Variants in KCNQ1 observed in about 807,000 individuals in gnomAD.
The protein encoded by KCNQ1 is potassium voltage-gated channel subfamily Q member 1.
A neutral mutation model predicts 72.4 loss-of-function variants in KCNQ1; 49 were observed. The observed-to-expected ratio is 0.68, with a 90% CI of 0.54 to 0.86. KCNQ1 has a LOEUF of 0.86. Among genes scored for constraint, KCNQ1 ranks in the 40% least tolerant of loss-of-function variants. The probability of loss-of-function intolerance (pLI) is 0.00; values close to 1 mark genes in which losing one functional copy is unlikely to be tolerated. For synonymous variants in KCNQ1, 450 were observed against 412.6 expected, an observed-to-expected ratio of 1.09 and a Z score of -1.10; for missense variants, 790 against 945.1, an observed-to-expected ratio of 0.84 and a Z score of 2.15.
chr11:2,470,467 G>C (rs900767609), intron 1 of KCNQ1, among the ~76,000 whole-genome samples: 3 of 152,100 alleles, frequency 2.0e-5, no homozygotes, highest in African/African-American at 7.2e-5. Flanking sequence ...CCAGGGAGGC[G>C]GAAGAACATC....
chr11:2,680,245 A>G (rs1053103640), intron 11 of KCNQ1: 1 of 397,216 alleles, frequency 2.5e-6, no homozygotes, highest in East Asian at 3.6e-5. Context: ...ATCTGTGTGT[A>G]TATTCATATC....
At chr11:2,820,287 T>C (rs999507189) in intron 15 of KCNQ1, among the ~76,000 whole-genome samples, 1 of 152,230 alleles carries the variant, frequency 6.6e-6, no homozygotes, top group Non-Finnish European at 1.5e-5. Flanking sequence ...ATCCTAAGAT[T>C]TTCTCTCTGC....
At position 2,560,085 on chromosome 11, in the gene KCNQ1, T is replaced by TG. The variant is rs199863716; in HGVS notation, c.478-10537dup. ...GGGACAGATAGCAGCATCTCAGCCA[T>TG]GGGGGGCCGTGACATCCGGTCAGGA... On this transcript the variant is annotated intron_variant, in intron 2 of 15. Transcript: ENST00000155840. Among the ~76,000 whole-genome samples, 239 of 86,036 alleles carry TG rather than the reference T, an allele frequency of 2.8e-3. 3 individuals carry two copies. The highest frequency in any genetic ancestry group is 0.011 in the African/African-American group (229 of 21,262). 56.4% of individuals were successfully genotyped at this position (86,036 alleles called of 152,430 possible). A position where few individuals can be genotyped will look rare whatever the true frequency, so the allele number is the denominator to read the frequency against.
At chr11:2,630,007 G>C (rs1849327186) in intron 10 of KCNQ1, 1 of 397,004 alleles carries the variant, frequency 2.5e-6, no homozygotes, top group South Asian at 1.3e-4. Context: ...CATCTTAGAG[G>C]AGAGGCATTC....
At chr11:2,633,718 G>A in intron 10 of KCNQ1, 1 of 398,322 alleles carries the variant, frequency 2.5e-6, no homozygotes. Flanking sequence ...TGTTCCATTG[G>A]TCTATATGTC....
rs868336244 is a variant in KCNQ1, at chr11:2,704,446, A to T, written c.1514+42365A>T. 3.7e-4 allele frequency among the ~76,000 whole-genome samples: 56 copies of T among 152,138 alleles called. 1 individual carries two copies. The highest frequency in any genetic ancestry group is 3.3e-4 in the Admixed American group (5 of 15,272). Reference sequence around the variant, plus strand: ...ACAGGTGGCATGGACTCATGTCCCCACCCAAATCACATCCCCACCAGGATG... The same window carrying T: ...ACAGGTGGCATGGACTCATGTCCCCTCCCAAATCACATCCCCACCAGGATG... On this transcript the variant is annotated intron_variant, in intron 11 of 15. Transcript: ENST00000155840. This position sits in a 1 kb window ranked among gnomAD's most constrained non-coding sequence, Gnocchi z 4.3.
chr11:2,523,884 G>A (rs1185293989), intron 1 of KCNQ1, among the ~76,000 whole-genome samples: 7 of 152,060 alleles, frequency 4.6e-5, no homozygotes, highest in African/African-American at 1.7e-4. Flanking sequence ...GAGAGTGGGG[G>A]GAGTGCAGCG....
intron 15 of KCNQ1, among the ~76,000 whole-genome samples, chr11:2,821,086 G>A (rs1847727467): frequency 6.6e-6 from 1 of 152,258 alleles, no homozygotes; most frequent in Non-Finnish European, 1.5e-5. Flanking sequence ...GCCAGGTCCG[G>A]CCTGCTCTGC....
intron 12 of KCNQ1, among the ~76,000 whole-genome samples, chr11:2,770,610 T>C (rs1219032441): frequency 6.6e-6 from 1 of 152,204 alleles, no homozygotes; most frequent in Non-Finnish European, 1.5e-5. Context: ...CTGAACCAAG[T>C]TGTGTCAAAG....
At chr11:2,794,864 T>G (rs1043126439) in intron 15 of KCNQ1, among the ~76,000 whole-genome samples, 15 of 151,712 alleles carry the variant, frequency 9.9e-5, no homozygotes, top group Admixed American at 2.6e-4. Flanking sequence ...AGACGGGAGG[T>G]CCACAGATTA....
chr11:2,832,673 C>G (rs1370269663), intron 15 of KCNQ1, among the ~76,000 whole-genome samples: 1 of 152,216 alleles, frequency 6.6e-6, no homozygotes, highest in East Asian at 1.9e-4. Context: ...AGCATGTTCC[C>G]TCTGTAGCTC....
Position 2,781,639 on chromosome 11 carries a change from C to T in KCNQ1, c.1794+3602C>T, listed in dbSNP as rs934763113. 6.6e-6 allele frequency among the ~76,000 whole-genome samples: 1 copy of T among 152,236 alleles called. No homozygotes were observed. Among genetic ancestry groups the T allele is most frequent in the African/African-American group, 2.4e-5 (1 of 41,462 alleles). On this transcript the variant is annotated intron_variant, in intron 15 of 15. Coordinates refer to ENST00000155840, the MANE Select transcript of KCNQ1 (RefSeq NM_000218.3). This position sits in a 1 kb window ranked among gnomAD's most constrained non-coding sequence, Gnocchi z 6.6. ...CAGAGGCCGCTCCAGCCCTCCTCCC[C>T]CAGCAAGTATTCTTAGCTTGGTCTC...
chr11:2,604,150 G>A (rs1198761937), intron 10 of KCNQ1, among the ~76,000 whole-genome samples: 1 of 152,070 alleles, frequency 6.6e-6, no homozygotes, highest in Non-Finnish European at 1.5e-5. Flanking sequence ...TTTTTGTGTG[G>A]ACATGTGTTT....
chr11:2,739,210 TC>T (rs1182047899), intron 11 of KCNQ1, among the ~76,000 whole-genome samples: 1 of 152,096 alleles, frequency 6.6e-6, no homozygotes, highest in Non-Finnish European at 1.5e-5. Context: ...CCCCCACCCA[TC>T]CTGGCTGGCT....
intron 2 of KCNQ1, among the ~76,000 whole-genome samples, chr11:2,568,296 AATAAAT>A (rs1484869949): frequency 2.0e-5 from 3 of 151,824 alleles, no homozygotes; most frequent in Admixed American, 6.6e-5. Flanking sequence ...TAAATAAATA[AATAAAT>A]AAAGTGCATC....
At chr11:2,618,661 G>A (rs889252396) in intron 10 of KCNQ1, 8 of 398,484 alleles carry the variant, frequency 2.0e-5, no homozygotes, top group Middle Eastern at 6.3e-4. Context: ...AGAATTTTCA[G>A]AATTTCGTTG....
At chr11:2,779,608 T>C (rs561923504) in intron 15 of KCNQ1, among the ~76,000 whole-genome samples, 88 of 152,300 alleles carry the variant, frequency 5.8e-4, no homozygotes, top group Admixed American at 5.2e-4. Flanking sequence ...CCTACACTAC[T>C]GTCCCAGACC....
At position 2,567,036 on chromosome 11, in the gene KCNQ1, C is replaced by T. The variant is rs981579784; in HGVS notation, c.478-3592C>T. Among the ~76,000 whole-genome samples the T allele has an allele frequency of 6.6e-6, 1 of 151,384 alleles. No individual in the cohort carries two copies. On this transcript the variant is annotated intron_variant, in intron 2 of 15. Transcript: ENST00000155840. The surrounding 1 kb of genome is among the most constrained non-coding windows in gnomAD (Gnocchi z 6.6). ...CAGGGTCCTGAGGAGGCAGGGGTGC[C>T]CCAGGGAATGGGGGGCACCTGGGGC...
chr11:2,796,849 A>G (rs1054195853), intron 15 of KCNQ1, among the ~76,000 whole-genome samples: 1 of 152,180 alleles, frequency 6.6e-6, no homozygotes, highest in African/African-American at 2.4e-5. Context: ...TGTGGCGGTG[A>G]GAAAACGATG....
Sources: gnomAD v4.1 joint callset for allele counts (sites outside exome capture counted in the v4.1 genomes callset) on GRCh38, gnomAD v4.1.1 for gene constraint, Gnocchi (gnomAD v3.1) non-coding constraint, MANE v1.5 for transcripts, NCBI Gene and HGNC (gene_info 2026-07-23, HGNC 2026-07-21) for gene names.